The following HHAT variants were observed in gnomAD, a reference collection of about 807,000 sequenced individuals.
HHAT encodes hedgehog acyltransferase.
In HHAT, 47 loss-of-function variants were observed where a neutral mutation model predicts 70.8. That is an observed-to-expected ratio of 0.66 (90% CI 0.53 to 0.85). The LOEUF (loss-of-function observed/expected upper bound fraction) is 0.85. HHAT is among the 40% of genes least tolerant of loss of function. The probability of loss-of-function intolerance (pLI) is 0.00; values close to 1 mark genes in which losing one functional copy is unlikely to be tolerated. For missense variants in HHAT, 609 were observed against 604.8 expected (o/e 1.01, Z -0.07); for synonymous variants, 228 against 247.6 (o/e 0.92, Z 0.74).
intron 9 of HHAT, among the ~76,000 whole-genome samples, chr1:210,559,662 G>T (rs916262425): frequency 1.3e-5 from 2 of 152,150 alleles, no homozygotes; most frequent in African/African-American, 4.8e-5. Context: ...GAGACCATAG[G>T]TCAGAGACAG....
chr1:210,407,876 G>T (rs1484881612), intron 6 of HHAT, among the ~76,000 whole-genome samples: 1 of 152,116 alleles, frequency 6.6e-6, no homozygotes, highest in African/African-American at 2.4e-5. Flanking sequence ...GCAGCCTTAG[G>T]GTGGTGGGCC....
At chr1:210,645,166 G>A (rs917204751) in intron 11 of HHAT, among the ~76,000 whole-genome samples, 6 of 152,170 alleles carry the variant, frequency 3.9e-5, no homozygotes, top group East Asian at 1.9e-4. Flanking sequence ...CCAGCCTAGC[G>A]GACGGGACAG....
chr1:210,426,580 T>G (rs2093068584), intron 7 of HHAT, among the ~76,000 whole-genome samples: 1 of 152,214 alleles, frequency 6.6e-6, no homozygotes, highest in Non-Finnish European at 1.5e-5. Context: ...GAAAGCTTTT[T>G]CTGCATCTAT....
chr1:210,464,134 G>C (rs568892721), intron 7 of HHAT, among the ~76,000 whole-genome samples: 1 of 151,856 alleles, frequency 6.6e-6, no homozygotes, highest in East Asian at 1.9e-4. Context: ...TCAAATACTA[G>C]AACTTATTCT....
chr1:210,383,372 GA>G (rs948434857), intron 3 of HHAT, among the ~76,000 whole-genome samples: 1 of 151,674 alleles, frequency 6.6e-6, no homozygotes, highest in Non-Finnish European at 1.5e-5. Flanking sequence ...GAAATAAAAA[GA>G]AAAAAACCCA....
chr1:210,354,086 C>T lies in HHAT; in HGVS notation c.91+5020C>T, dbSNP rs138114240. Among the ~76,000 whole-genome samples the T allele has an allele frequency of 4.9e-3, 749 of 152,076 alleles. 6 individuals carry two copies. Among genetic ancestry groups the T allele is most frequent in the Admixed American group, 8.5e-3 (129 of 15,252 alleles). On this transcript the variant is annotated intron_variant, in intron 2 of 11. Transcript: ENST00000261458. Reference sequence around the variant, plus strand: ...AATTAACGCTTCCAAAGGAGGAGATCCATTTTTCTGTACTACTCTCAGCAA... The same window carrying T: ...AATTAACGCTTCCAAAGGAGGAGATTCATTTTTCTGTACTACTCTCAGCAA...
chr1:210,526,425 C>G (rs1336164518), intron 9 of HHAT, among the ~76,000 whole-genome samples: 2 of 146,044 alleles, frequency 1.4e-5, no homozygotes, highest in African/African-American at 5.0e-5. Context: ...TTGGAGATAC[C>G]TAGCTCAACA....
intron 10 of HHAT, among the ~76,000 whole-genome samples, chr1:210,612,626 G>A (rs1348181307): frequency 6.6e-6 from 1 of 152,132 alleles, no homozygotes. Flanking sequence ...ACAAATATAT[G>A]TCTGAGTCCC....
chr1:210,578,641 CA>C (rs910589145), intron 9 of HHAT, among the ~76,000 whole-genome samples: 1 of 151,936 alleles, frequency 6.6e-6, no homozygotes, highest in African/African-American at 2.4e-5. Context: ...TATTCAGCCT[CA>C]AAAAAGAAGA....
intron 8 of HHAT, among the ~76,000 whole-genome samples, chr1:210,508,198 CAAAAAA>C (rs10656040): frequency 1.1e-5 from 1 of 89,444 alleles, no homozygotes; most frequent in Non-Finnish European, 2.0e-5. Flanking sequence ...GACTCCTTCT[CAAAAAA>C]AAAAAAAAAA....
chr1:210,608,791 G>GT lies in HHAT; in HGVS notation c.1246-14734dup, dbSNP rs1666019677. Among the ~76,000 whole-genome samples the GT allele has an allele frequency of 7.2e-5, 11 of 152,240 alleles. No homozygotes were observed. In the South Asian group the frequency reaches 2.3e-3, roughly 32 times the overall value. ...AAGACACTGGCCATTTAAGTGTCTG[G>GT]TGAGGGCCCAGTCTCTCCCTCCAAG... On this transcript the variant is annotated intron_variant, in intron 10 of 11. Coordinates refer to ENST00000261458, the MANE Select transcript of HHAT (RefSeq NM_018194.6).
intron 9 of HHAT, among the ~76,000 whole-genome samples, chr1:210,583,613 T>C (rs1297992151): frequency 6.6e-6 from 1 of 152,224 alleles, no homozygotes; most frequent in Non-Finnish European, 1.5e-5. Context: ...AAATTAGGAA[T>C]AAAGAAGGGA....
chr1:210,600,649 A>G (rs1664058949), intron 10 of HHAT, among the ~76,000 whole-genome samples: 1 of 152,162 alleles, frequency 6.6e-6, no homozygotes, highest in African/African-American at 2.4e-5. Context: ...GGGTGGACGT[A>G]GAGGAGTTAC....
Position 210,506,393 on chromosome 1 carries a change from C to T in HHAT, c.1008-6760C>T, listed in dbSNP as rs569996290. Among the ~76,000 whole-genome samples the T allele has an allele frequency of 8.5e-5, 13 of 152,268 alleles. No individual in the cohort carries two copies. The South Asian group carries it at 2.7e-3, about 32-fold the overall frequency. ...AAAGGAATCTTAAAGGTCATCCATT[C>T]CAGTTTTTTTATCTCAAGCTGAAAT... On this transcript the variant is annotated intron_variant, in intron 8 of 11. Coordinates refer to ENST00000261458, the MANE Select transcript of HHAT (RefSeq NM_018194.6).
At chr1:210,471,933 T>C (rs1282721305) in intron 8 of HHAT, among the ~76,000 whole-genome samples, 2 of 152,228 alleles carry the variant, frequency 1.3e-5, no homozygotes, top group Admixed American at 6.5e-5. Context: ...ATTTACTCCT[T>C]CTAACTGAAA....
In HHAT at chr1:210,513,153, G is replaced by T. The variant is rs774794788; in HGVS notation, c.1008G>T (p.Arg336Ser). Residue 336 changes from arginine to serine, a missense_variant and splice_region_variant, in exon 9 of 12, where the codon AGG becomes AGT. Coordinates refer to ENST00000261458, the MANE Select transcript of HHAT (RefSeq NM_018194.6). Reference protein sequence around the residue: ...STMFSFTGMWRYFDVGLHNFL... With the variant: ...STMFSFTGMWSYFDVGLHNFL... ...GCTTGTCTATGTCTCTTTTGAACAG[G>T]TATTTTGATGTTGGACTGCATAATT... 3 of 1,529,710 alleles carry T rather than the reference G, an allele frequency of 2.0e-6. No homozygotes were observed. The highest frequency in any genetic ancestry group is 2.3e-5 in the South Asian group (2 of 87,074). 94.8% of individuals were successfully genotyped at this position (1,529,710 alleles called of 1,614,324 possible). A position where few individuals can be genotyped will look rare whatever the true frequency, so the allele number is the denominator to read the frequency against.
chr1:210,501,064 T>A (rs1024302480), intron 8 of HHAT, among the ~76,000 whole-genome samples: 3 of 152,212 alleles, frequency 2.0e-5, no homozygotes, highest in African/African-American at 7.2e-5. Flanking sequence ...CACCTCATGC[T>A]TATCTCTTCT....
chr1:210,482,282 C>T (rs546673518), intron 8 of HHAT, among the ~76,000 whole-genome samples: 1 of 152,150 alleles, frequency 6.6e-6, no homozygotes, highest in Non-Finnish European at 1.5e-5. Context: ...AGAACTCAGC[C>T]ACCTTTCTGG....
chr1:210,603,035 G>C (rs759890898), intron 10 of HHAT, among the ~76,000 whole-genome samples: 1 of 152,174 alleles, frequency 6.6e-6, no homozygotes, highest in African/African-American at 2.4e-5. Flanking sequence ...CAGATAGAAG[G>C]CTTTGAAATA....
Sources: allele counts gnomAD v4.1 joint callset (sites outside exome capture counted in the v4.1 genomes callset), GRCh38; gene constraint gnomAD v4.1.1; transcripts MANE v1.5; gene names NCBI Gene and HGNC (gene_info 2026-07-23, HGNC 2026-07-21).